Variants in PPFIA2 observed in about 807,000 individuals in gnomAD.
PPFIA2 encodes PPFI scaffold protein A2, also known as liprin-alpha-2.
PPFIA2 carries 46 observed loss-of-function variants against 175.5 expected under a neutral mutation model. The observed-to-expected ratio is 0.26, with a 90% CI of 0.21 to 0.34. The LOEUF is 0.34. PPFIA2 is among the 10% of genes least tolerant of loss of function. The pLI is 1.00. For synonymous variants in PPFIA2, 568 were observed against 511.4 expected, an observed-to-expected ratio of 1.11 and a Z score of -1.49; for missense variants, 1,179 against 1,506.1, an observed-to-expected ratio of 0.78 and a Z score of 3.60.
chr12:81,661,975 C>G (rs994669736), intron 4 of PPFIA2, among the ~76,000 whole-genome samples: 40 of 152,002 alleles, frequency 2.6e-4, no homozygotes, highest in South Asian at 6.2e-4. Context: ...AATGAAGGCA[C>G]AAATAAAGAT....
At chr12:81,263,507 C>G (rs750137606) in intron 30 of PPFIA2, 117 bp from the exon 31 acceptor site, 2 of 824,694 alleles carry the variant, frequency 2.4e-6, no homozygotes, top group Non-Finnish European at 3.6e-6. Flanking sequence ...GTCAAGTATA[C>G]GTATGGAATC....
rs1220401390 is a variant in PPFIA2, at chr12:81,669,022, G to GAA, written c.303+7767_303+7768dup. Among the ~76,000 whole-genome samples the GAA allele has an allele frequency of 6.6e-5, 10 of 152,034 alleles. No individual in the cohort carries two copies. The East Asian group carries it at 1.9e-3, about 29-fold the overall frequency. ...TGGTGGTCCAGCATTAAACCAGACA[G>GAA]AAATTTCTGCTCTCATAAGGTTTCT... On this transcript the variant is annotated intron_variant, in intron 4 of 32. Coordinates refer to ENST00000549396, the MANE Select transcript of PPFIA2 (RefSeq NM_003625.5).
chr12:81,446,255 A>T (rs1475099797), intron 5 of PPFIA2, among the ~76,000 whole-genome samples: 1 of 152,216 alleles, frequency 6.6e-6, no homozygotes, highest in East Asian at 1.9e-4. Context: ...AGAACATAGT[A>T]ACTGAGATTC....
intron 24 of PPFIA2, among the ~76,000 whole-genome samples, chr12:81,285,989 T>G (rs193067520): frequency 1.3e-5 from 2 of 152,112 alleles, no homozygotes; most frequent in East Asian, 3.9e-4. Context: ...GAACAGAATA[T>G]GGAGATGAAA....
intron 22 of PPFIA2, chr12:81,312,382 A>G (rs577725697): frequency 1.1e-5 from 6 of 564,312 alleles, no homozygotes; most frequent in Non-Finnish European, 1.9e-5. Context: ...GGGTAGTTCT[A>G]ATAGTTGACC....
chr12:81,593,734 C>A (rs1375777092), intron 4 of PPFIA2, among the ~76,000 whole-genome samples: 2 of 152,128 alleles, frequency 1.3e-5, no homozygotes, highest in Non-Finnish European at 2.9e-5. Flanking sequence ...CCAGTGGGCA[C>A]TTTGAGTGAA....
At chr12:81,332,679 G>A (rs564582659) in intron 21 of PPFIA2, among the ~76,000 whole-genome samples, 1 of 152,078 alleles carries the variant, frequency 6.6e-6, no homozygotes, top group East Asian at 1.9e-4. Flanking sequence ...ATTTCTTTAT[G>A]TGCCCACACT....
chr12:81,307,435 AT>A (rs1287823196), intron 22 of PPFIA2, among the ~76,000 whole-genome samples: 1 of 152,194 alleles, frequency 6.6e-6, no homozygotes, highest in African/African-American at 2.4e-5. Flanking sequence ...AGTATTCTAT[AT>A]TTTTATAACT....
chr12:81,637,236 A>ATT (rs71098156), intron 4 of PPFIA2, among the ~76,000 whole-genome samples: 2 of 65,908 alleles, frequency 3.0e-5, no homozygotes, highest in Non-Finnish European at 5.3e-5. Flanking sequence ...CGCCAGGCTA[A>ATT]TTTTTTTTTT....
At chr12:81,758,196 C>T (rs1441255392) in intron 2 of PPFIA2, among the ~76,000 whole-genome samples, 2 of 152,052 alleles carry the variant, frequency 1.3e-5, no homozygotes, top group Admixed American at 1.3e-4. Context: ...TAAAATTGTT[C>T]ATCCTGCCCA....
At position 81,642,652 on chromosome 12, in the gene PPFIA2, ATGTATCTAT is replaced by A. The variant is rs1332049408; in HGVS notation, c.303+34130_303+34138del. 7.1e-5 allele frequency among the ~76,000 whole-genome samples: 9 copies of A among 127,270 alleles called. 1 individual carries two copies. Among genetic ancestry groups the A allele is most frequent in the Admixed American group, 2.4e-4 (3 of 12,310 alleles). 83.5% of individuals were successfully genotyped at this position (127,270 alleles called of 152,430 possible). The stretch of plus-strand genomic sequence containing the variant: ...ATATATCTATTATATACATACATGT[ATGTATCTAT>A]TATATACATACATGTATGTATCTAT... On this transcript the variant is annotated intron_variant, in intron 4 of 32. Coordinates refer to ENST00000549396, the MANE Select transcript of PPFIA2 (RefSeq NM_003625.5).
At chr12:81,365,962 ATCCC>A (rs141006203) in intron 14 of PPFIA2, among the ~76,000 whole-genome samples, 105 of 96,024 alleles carry the variant, frequency 1.1e-3, no homozygotes, top group Admixed American at 4.5e-3. Context: ...ATCCCATACT[ATCCC>A]TCCCTCCCTC....
At chr12:81,349,949 T>C (rs963410608) in intron 17 of PPFIA2, among the ~76,000 whole-genome samples, 102 of 152,342 alleles carry the variant, frequency 6.7e-4, no homozygotes, top group African/African-American at 2.3e-3. Flanking sequence ...CTGGTTGTTA[T>C]TAGCAGTTCA....
chr12:81,343,147 G>A (rs2058443593), intron 19 of PPFIA2, among the ~76,000 whole-genome samples: 1 of 151,942 alleles, frequency 6.6e-6, no homozygotes, highest in South Asian at 2.1e-4. Context: ...TTTTCTTAAT[G>A]TAGTCTTTTG....
intron 4 of PPFIA2, among the ~76,000 whole-genome samples, chr12:81,459,979 C>T (rs1391553005): frequency 6.6e-6 from 1 of 152,094 alleles, no homozygotes; most frequent in East Asian, 1.9e-4. Context: ...TTCTCCACTG[C>T]AAGTTTAGTG....
At chr12:81,408,907 A>G (rs533613233) in intron 7 of PPFIA2, among the ~76,000 whole-genome samples, 7 of 152,310 alleles carry the variant, frequency 4.6e-5, no homozygotes, top group African/African-American at 1.7e-4. Flanking sequence ...CCAAAGTTTC[A>G]GCACCTGATT....
At chr12:81,300,872 GTTGTGGACTGAGAC>G (rs2047653715) in intron 22 of PPFIA2, among the ~76,000 whole-genome samples, 1 of 152,178 alleles carries the variant, frequency 6.6e-6, no homozygotes, top group African/African-American at 2.4e-5. Flanking sequence ...TTGAACACCT[GTTGTGGACTGAGAC>G]TTGTGTTTGG....
chr12:81,327,471 C>T (rs1019327693), intron 21 of PPFIA2, among the ~76,000 whole-genome samples: 16 of 151,922 alleles, frequency 1.1e-4, no homozygotes, highest in African/African-American at 3.9e-4. Context: ...ATTTGCCTTA[C>T]TGTATATCAA....
chr12:81,265,677 G>T (rs1412028446), intron 30 of PPFIA2, among the ~76,000 whole-genome samples: 1 of 152,158 alleles, frequency 6.6e-6, no homozygotes, highest in South Asian at 2.1e-4. Context: ...AGAAAAAGCA[G>T]CAGCATAGTT....
Sources: gnomAD v4.1 joint callset for allele counts (sites outside exome capture counted in the v4.1 genomes callset) on GRCh38, gnomAD v4.1.1 for gene constraint, MANE v1.5 for transcripts, NCBI Gene and HGNC (gene_info 2026-07-23, HGNC 2026-07-21) for gene names.